WWC2: variants seen among roughly 807,000 people sequenced by gnomAD.
WWC2 encodes the protein protein WWC2.
A neutral mutation model predicts 138.5 loss-of-function variants in WWC2; 101 were observed. That is an observed-to-expected ratio of 0.73 (90% CI 0.62 to 0.86). The LOEUF (loss-of-function observed/expected upper bound fraction) is 0.86, where lower values mean the gene tolerates loss of function less well. Among genes scored for constraint, WWC2 ranks in the 40% least tolerant of loss-of-function variants. The probability of loss-of-function intolerance (pLI) is 0.00; values close to 1 mark genes in which losing one functional copy is unlikely to be tolerated. For missense variants in WWC2, 1,420 were observed against 1,419.4 expected, an observed-to-expected ratio of 1.00 and a Z score of -0.01; for synonymous variants, 558 against 538.4, an observed-to-expected ratio of 1.04 and a Z score of -0.50.
At chr4:183,231,661 A>G (rs1736251476) in intron 4 of WWC2, among the ~76,000 whole-genome samples, 1 of 152,158 alleles carries the variant, frequency 6.6e-6, no homozygotes, top group Non-Finnish European at 1.5e-5. Context: ...GACATAGGGA[A>G]TGAAGGAGAG....
intron 21 of WWC2, among the ~76,000 whole-genome samples, chr4:183,295,032 A>G (rs1361960554): frequency 6.6e-6 from 1 of 152,092 alleles, no homozygotes; most frequent in African/African-American, 2.4e-5. Context: ...CATTTTAATG[A>G]TTTGTCCTTT....
chr4:183,247,525 TA>T (rs1736816621), intron 6 of WWC2, among the ~76,000 whole-genome samples: 2 of 142,682 alleles, frequency 1.4e-5, no homozygotes, highest in African/African-American at 2.6e-5. Context: ...CTATACTATA[TA>T]TATACTATAT....
At chr4:183,159,342 G>A (rs1029543359) in intron 1 of WWC2, among the ~76,000 whole-genome samples, 4 of 152,074 alleles carry the variant, frequency 2.6e-5, no homozygotes, top group Non-Finnish European at 5.9e-5. Flanking sequence ...GGTGTTGGGA[G>A]GTTTGACTTT....
At chr4:183,173,720 C>T (rs1352310173) in intron 1 of WWC2, among the ~76,000 whole-genome samples, 1 of 152,048 alleles carries the variant, frequency 6.6e-6, no homozygotes, top group African/African-American at 2.4e-5. Flanking sequence ...ATGCTCCACA[C>T]TGCGGGGGGC....
chr4:183,293,663 C>T (rs1170203026), intron 21 of WWC2, among the ~76,000 whole-genome samples: 1 of 152,082 alleles, frequency 6.6e-6, no homozygotes, highest in Non-Finnish European at 1.5e-5. Context: ...AATAAAGCTG[C>T]CATTATCTAC....
chr4:183,286,631 T>A (rs2111069493), intron 20 of WWC2, among the ~76,000 whole-genome samples: 1 of 152,296 alleles, frequency 6.6e-6, no homozygotes, highest in African/African-American at 2.4e-5. Flanking sequence ...TTCAAGTAGT[T>A]CAGAAATTCC....
intron 1 of WWC2, among the ~76,000 whole-genome samples, chr4:183,135,345 T>TG (rs1733076613): frequency 6.6e-6 from 1 of 152,222 alleles, no homozygotes; most frequent in Non-Finnish European, 1.5e-5. Context: ...TTTAGTTGAT[T>TG]GATTAGTTTT....
chr4:183,114,924 C>T (rs921769204), intron 1 of WWC2, among the ~76,000 whole-genome samples: 13 of 152,208 alleles, frequency 8.5e-5, no homozygotes, highest in African/African-American at 1.4e-4. Flanking sequence ...CGGGTTCAAG[C>T]GATTGTCATG....
At chr4:183,108,148 C>A (rs1474992860) in intron 1 of WWC2, among the ~76,000 whole-genome samples, 1 of 151,872 alleles carries the variant, frequency 6.6e-6, no homozygotes, top group East Asian at 1.9e-4. Flanking sequence ...AAGGCTTTTC[C>A]TTTTAGCTCG....
chr4:183,248,528 C>T (rs1407475612), intron 6 of WWC2, among the ~76,000 whole-genome samples, 186 bp from the exon 7 acceptor site: 3 of 152,154 alleles, frequency 2.0e-5, no homozygotes, highest in African/African-American at 4.8e-5. Context: ...TCCAAAGTCA[C>T]ATGTATGGAG....
chr4:183,121,225 A>G (rs1417607796), intron 1 of WWC2, among the ~76,000 whole-genome samples: 1 of 151,654 alleles, frequency 6.6e-6, no homozygotes, highest in African/African-American at 2.4e-5. Flanking sequence ...AAAAAGTAAC[A>G]TTGTGGAGGA....
At chr4:183,143,196 G>A (rs1057269125) in intron 1 of WWC2, among the ~76,000 whole-genome samples, 6 of 152,186 alleles carry the variant, frequency 3.9e-5, no homozygotes, top group Admixed American at 3.9e-4. Context: ...AATAATGGGT[G>A]TAGGTGACTC....
chr4:183,225,724 C>T (rs1736049525), intron 4 of WWC2, among the ~76,000 whole-genome samples: 1 of 152,196 alleles, frequency 6.6e-6, no homozygotes, highest in African/African-American at 2.4e-5. Flanking sequence ...CACTGTTTTA[C>T]ACAAGTGATG....
intron 19 of WWC2, among the ~76,000 whole-genome samples, chr4:183,285,197 G>T (rs1331020084): frequency 6.6e-6 from 1 of 152,116 alleles, no homozygotes; most frequent in Non-Finnish European, 1.5e-5. Context: ...AGTGCAGGGG[G>T]TTGGGGGTGA....
At chr4:183,169,010 G>T (rs574206606) in intron 1 of WWC2, among the ~76,000 whole-genome samples, 1 of 151,656 alleles carries the variant, frequency 6.6e-6, no homozygotes, top group South Asian at 2.1e-4. Context: ...CACCACGCCC[G>T]GCTAATTTTC....
At chr4:183,113,378 A>G (rs981322655) in intron 1 of WWC2, among the ~76,000 whole-genome samples, 5 of 151,954 alleles carry the variant, frequency 3.3e-5, no homozygotes, top group Admixed American at 2.0e-4. Flanking sequence ...GCACCAACCT[A>G]TAGAAAGGGG....
At chr4:183,195,720 A>G (rs529117796) in intron 2 of WWC2, among the ~76,000 whole-genome samples, 130 of 152,228 alleles carry the variant, frequency 8.5e-4, no homozygotes, top group Middle Eastern at 6.8e-3. Flanking sequence ...CTTCAACCAG[A>G]ATCCCTTGCC....
At position 183,250,205 on chromosome 4, in the gene WWC2, A is replaced by G. The variant is rs1227556667; in HGVS notation, c.953+212A>G. ...AACCACCAAAAGCTAAAGAACAGGG[A>G]GAATTAGTGAGAAGTATACAAATGA... On this transcript the variant is annotated intron_variant, in intron 8 of 22. Coordinates refer to ENST00000403733, the MANE Select transcript of WWC2 (RefSeq NM_024949.6). Among the ~76,000 whole-genome samples the G allele has an allele frequency of 5.4e-5, 7 of 129,370 alleles. No homozygotes were observed. The Admixed American group carries it at 6.4e-4, about 12-fold the overall frequency. The allele number at this position is 129,370 out of a possible 152,430, so 84.9% of individuals were successfully genotyped here.
chr4:183,312,589 A>G, intron 22 of WWC2, 121 bp downstream of exon 22: 2 of 1,388,830 alleles, frequency 1.4e-6, no homozygotes, highest in South Asian at 1.4e-5. Context: ...TCTGTTCTCT[A>G]CCTTGAATAT....
Sources: allele counts gnomAD v4.1 joint callset (sites outside exome capture counted in the v4.1 genomes callset), GRCh38; gene constraint gnomAD v4.1.1; transcripts MANE v1.5; gene names NCBI Gene and HGNC (gene_info 2026-07-23, HGNC 2026-07-21).